Variants in SMG5 observed in about 807,000 individuals in gnomAD.
SMG5 encodes the protein nonsense-mediated mRNA decay factor SMG5.
A neutral mutation model predicts 122.9 loss-of-function variants in SMG5; 53 were observed. That is an observed-to-expected ratio of 0.43 (90% CI 0.35 to 0.54). The LOEUF is 0.54. SMG5 is among the 20% of genes least tolerant of loss of function. SMG5 has a pLI of 0.01. For missense variants in SMG5, 1,153 were observed against 1,285.6 expected (o/e 0.90, Z 1.58); for synonymous variants, 477 against 490.2 (o/e 0.97, Z 0.35).
At chr1:156,266,498 C>T in intron 11 of SMG5, 43 bp downstream of exon 11, 2 of 1,613,384 alleles carry the variant, frequency 1.2e-6, no homozygotes, top group Non-Finnish European at 8.5e-7. Flanking sequence ...CCCCATGCCC[C>T]ACACCAACCT....
chr1:156,275,724 G>A (rs1197784753), intron 4 of SMG5, among the ~76,000 whole-genome samples: 1 of 143,824 alleles, frequency 7.0e-6, no homozygotes, highest in Non-Finnish European at 1.5e-5. Context: ...CCTTTGAAGT[G>A]ATCTTTTTTT....
Position 156,272,464 on chromosome 1 carries a change from C to T in SMG5, c.635-66G>A. 2.3e-6 allele frequency: 3 copies of T among 1,324,324 alleles called. 1 individual carries two copies. In the South Asian group the frequency reaches 3.7e-5, roughly 17 times the overall value. The allele number at this position is 1,324,324 out of a possible 1,614,324, so 82.0% of individuals were successfully genotyped here. A position where few individuals can be genotyped will look rare whatever the true frequency, so the allele number is the denominator to read the frequency against. On this transcript the variant is annotated intron_variant, in intron 6 of 21. Transcript: ENST00000361813. ...CTCATTCAAAGCTGCCAGGCCCAACCAATGCTAAGCATCAGAGAACCTGTA... is the reference window on the plus strand; with the variant it reads ...CTCATTCAAAGCTGCCAGGCCCAACTAATGCTAAGCATCAGAGAACCTGTA...
chr1:156,259,211 A>C (rs745595796), intron 15 of SMG5, 48 bp from the exon 16 acceptor site: 11 of 1,500,264 alleles, frequency 7.3e-6, no homozygotes, highest in Non-Finnish European at 8.0e-6. Context: ...GGCCCTCTAG[A>C]CCCACCCTGC....
At chr1:156,260,300 TGAA>T in intron 15 of SMG5, 148 bp downstream of exon 15, 2 of 950,962 alleles carry the variant, frequency 2.1e-6, no homozygotes, top group East Asian at 2.9e-5. Flanking sequence ...GCTCACTGAA[TGAA>T]GAAGGAAGCA....
rs989941280 is a variant in SMG5, at chr1:156,268,472, G to C, written c.714-57C>G. On this transcript the variant is annotated intron_variant, in intron 7 of 21. Coordinates refer to ENST00000361813, the MANE Select transcript of SMG5 (RefSeq NM_015327.3). The stretch of plus-strand genomic sequence containing the variant: ...TGGCAGGGGGAGGATATGTTACTCT[G>C]CTGGGGCTTTAGGAAACAATGTTAC... 3.8e-6 allele frequency: 6 copies of C among 1,593,714 alleles called. No homozygotes were observed. The South Asian group carries it at 6.7e-5, about 18-fold the overall frequency.
At chr1:156,260,165 A>G (rs768695556) in intron 15 of SMG5, among the ~76,000 whole-genome samples, 9 of 152,058 alleles carry the variant, frequency 5.9e-5, no homozygotes, top group Non-Finnish European at 8.8e-5. Flanking sequence ...TCGAAGCCCT[A>G]ATAACTATTT....
At chr1:156,265,202 G>A (rs1463117102) in intron 12 of SMG5, among the ~76,000 whole-genome samples, 1 of 150,712 alleles carries the variant, frequency 6.6e-6, no homozygotes, top group African/African-American at 2.4e-5. Context: ...CCAGTCTGGG[G>A]GATAGGTAAG....
At chr1:156,271,091 C>T (rs72710203) in intron 7 of SMG5, among the ~76,000 whole-genome samples, 45 of 152,008 alleles carry the variant, frequency 3.0e-4, no homozygotes, top group Middle Eastern at 3.4e-3. Context: ...ATGAATATAT[C>T]GGTATAGGTA....
At chr1:156,277,009 A>T in intron 4 of SMG5, 76 bp downstream of exon 4, 1 of 1,493,710 alleles carries the variant, frequency 6.7e-7, no homozygotes, top group South Asian at 1.3e-5. Flanking sequence ...GTCGCAAGCT[A>T]CATGAACCCT....
Position 156,266,378 on chromosome 1 carries a change from C to T in SMG5, c.1258G>A (p.Glu420Lys). The change falls in exon 12 of 22, where the codon GAA (glutamate) becomes AAA (lysine). Residue 420 changes from glutamate (E) to lysine (K), a missense_variant and splice_region_variant. Glu to Lys is a moderately conservative substitution (Grantham distance 56, BLOSUM62 1). This residue lies in a region of SMG5 where 631 missense variants were observed against 650.6 expected (regional missense o/e 0.97). Coordinates refer to ENST00000361813, the MANE Select transcript of SMG5 (RefSeq NM_015327.3). The part of the protein sequence containing the change: ...VPAFQSDGTD[E>K]PESKEPVEKE... ...TCCACAGGTTCCTTGGACTCTGGTT[C>T]ATCTGCGGAAAGAGGAAGGTCAGGT... is the stretch of plus-strand genomic sequence containing the variant. 2.5e-6 allele frequency: 4 copies of T among 1,610,076 alleles called. No individual in the cohort carries two copies. The highest frequency in any genetic ancestry group is 3.4e-6 in the Non-Finnish European group (4 of 1,177,156).
At chr1:156,282,243 T>C (rs905494426) in intron 1 of SMG5, among the ~76,000 whole-genome samples, 1 of 152,034 alleles carries the variant, frequency 6.6e-6, no homozygotes, top group Non-Finnish European at 1.5e-5. Context: ...TCCCCCAGGA[T>C]TCCAAGCACC....
intron 16 of SMG5, among the ~76,000 whole-genome samples, chr1:156,257,236 T>G (rs1159008355): frequency 6.6e-6 from 1 of 152,098 alleles, no homozygotes; most frequent in East Asian, 1.9e-4. Context: ...CTACTGTTTC[T>G]TATCTATAAA....
At chr1:156,263,054 T>G (rs945115934) in intron 13 of SMG5, among the ~76,000 whole-genome samples, 3 of 152,340 alleles carry the variant, frequency 2.0e-5, no homozygotes, top group Non-Finnish European at 2.9e-5. Context: ...CTACTCAATG[T>G]TCTCTCCCTT....
upstream of SMG5, chr1:156,285,367 C>T: frequency 6.3e-7 from 1 of 1,579,976 alleles, no homozygotes; most frequent in Middle Eastern, 1.7e-4. Context: ...CTGAGTCCCT[C>T]AGAGTGGGGT....
In SMG5 at chr1:156,266,534, C is replaced by T; in HGVS notation, c.1255+7G>A. On this transcript the variant is annotated splice_region_variant and intron_variant, in intron 11 of 21. Coordinates refer to ENST00000361813, the MANE Select transcript of SMG5 (RefSeq NM_015327.3). ...TTCCATAGTGATGACCTCCCCGATTCTCCCACCTGTGCCATCACTCTGGAA... is the reference window on the plus strand; with the variant it reads ...TTCCATAGTGATGACCTCCCCGATTTTCCCACCTGTGCCATCACTCTGGAA... The T allele has an allele frequency of 1.9e-6, 3 of 1,614,158 alleles. No homozygotes were observed. The highest frequency in any genetic ancestry group is 2.5e-6 in the Non-Finnish European group (3 of 1,180,032).
Position 156,273,385 on chromosome 1 carries a change from C to A in SMG5, c.610G>T (p.Ala204Ser). The A allele has an allele frequency of 1.9e-6, 3 of 1,613,932 alleles. No individual in the cohort carries two copies. Among genetic ancestry groups the A allele is most frequent in the Non-Finnish European group, 2.5e-6 (3 of 1,179,998 alleles). ...CCAATCTGAGGAGCTACTGACAGGGCTTGGTAGTAAAATCTCTCGGCTAGC... is the reference window on the plus strand; with the variant it reads ...CCAATCTGAGGAGCTACTGACAGGGATTGGTAGTAAAATCTCTCGGCTAGC... ...ELLAERFYYQ[A>S]LSVAPQIGMP... The change falls in exon 6 of 22, where the codon GCC (alanine) becomes TCC (serine). Residue 204 changes from alanine (A) to serine (S), a missense_variant. Physicochemically the swap from Ala to Ser is moderately conservative, Grantham distance 99 (BLOSUM62 1). This residue lies in a region of SMG5 where 85 missense variants were observed against 127.3 expected (regional missense o/e 0.67). Coordinates refer to ENST00000361813, the MANE Select transcript of SMG5 (RefSeq NM_015327.3).
intron 12 of SMG5, among the ~76,000 whole-genome samples, chr1:156,264,911 A>G (rs1447724958): frequency 6.6e-6 from 1 of 152,058 alleles, no homozygotes; most frequent in Non-Finnish European, 1.5e-5. Flanking sequence ...CTCTAGTCCC[A>G]GCTACTTGGG....
rs777121152 is a variant in SMG5, at chr1:156,266,252, G to A, written c.1384C>T (p.Arg462Cys). 16 of 1,614,114 alleles carry A rather than the reference G, an allele frequency of 9.9e-6. 1 individual carries two copies. Among genetic ancestry groups the A allele is most frequent in the South Asian group, 3.3e-5 (3 of 91,092 alleles). ...KFSRLSCLRRRRHPPKVGDDS... is the reference protein window; with the variant it reads ...KFSRLSCLRRCRHPPKVGDDS... ...TCACCAACTTTGGGTGGGTGGCGGC[G>A]ACGGCGGAGACAGGAGAGGCGAGAG... is the stretch of plus-strand genomic sequence containing the variant. The change falls in exon 12 of 22, where the codon CGC (arginine) becomes TGC (cysteine). Residue 462 changes from arginine (R) to cysteine (C), a missense_variant. Physicochemically the swap from Arg to Cys is radical, Grantham distance 180. Around this residue, in one of 5 missense-constraint regions of SMG5, gnomAD observed 631 missense variants for 650.6 expected, o/e 0.97. Transcript: ENST00000361813.
chr1:156,254,130 G>GC (rs1661474721), intron 16 of SMG5, among the ~76,000 whole-genome samples: 1 of 152,058 alleles, frequency 6.6e-6, no homozygotes. Flanking sequence ...TGTCAATTGT[G>GC]CCCCCCTAAA....
Sources: allele counts gnomAD v4.1 joint callset (sites outside exome capture counted in the v4.1 genomes callset), GRCh38; gene constraint gnomAD v4.1.1; regional missense constraint gnomAD v4.1.1; transcripts MANE v1.5; gene names NCBI Gene and HGNC (gene_info 2026-07-23, HGNC 2026-07-21).